Variants in MKKS observed in about 807,000 individuals in gnomAD.
MKKS encodes MKKS centrosomal shuttling protein, also known as molecular chaperone MKKS.
A neutral mutation model predicts 33.2 loss-of-function variants in MKKS; 29 were observed. That is an observed-to-expected ratio of 0.87 (90% CI 0.65 to 1.19). The LOEUF is 1.19. Among genes scored for constraint, MKKS ranks in the 50% most tolerant of loss-of-function variants. The pLI is 0.00. For synonymous variants in MKKS, 260 were observed against 244.0 expected (o/e 1.07, Z -0.61); for missense variants, 661 against 662.3 (o/e 1.00, Z 0.02).
intron 1 of MKKS, among the ~76,000 whole-genome samples, chr20:10,425,081 T>G (rs534692575): frequency 1.2e-3 from 178 of 150,906 alleles, no homozygotes; most frequent in African/African-American, 4.1e-3. Context: ...GAAAGAAAAT[T>G]AGCATTACTG....
At position 10,405,120 on chromosome 20, in the gene MKKS, T is replaced by C; in HGVS notation, c.*127A>G. 1 of 712,254 alleles carries C rather than the reference T, an allele frequency of 1.4e-6. No individual in the cohort carries two copies. The highest frequency in any genetic ancestry group is 2.2e-6 in the Non-Finnish European group (1 of 445,596). 44.1% of individuals were successfully genotyped at this position (712,254 alleles called of 1,614,324 possible). On this transcript the variant is annotated 3_prime_UTR_variant, in exon 6 of 6. Coordinates refer to ENST00000347364, the MANE Select transcript of MKKS (RefSeq NM_170784.3). The stretch of plus-strand genomic sequence containing the variant: ...TTTTCCTAAATAAGTGTATCTATAA[T>C]TTTATGAGTCATTTGTCCAAATATG...
At chr20:10,407,104 C>A (rs2064848762) in intron 5 of MKKS, among the ~76,000 whole-genome samples, 1 of 152,050 alleles carries the variant, frequency 6.6e-6, no homozygotes, top group African/African-American at 2.4e-5. Context: ...TACATAAATA[C>A]CAATTTTAAA....
intron 2 of MKKS, among the ~76,000 whole-genome samples, chr20:10,418,156 CACAT>C (rs1463299027): frequency 2.0e-5 from 3 of 152,230 alleles, no homozygotes; most frequent in African/African-American, 7.2e-5. Context: ...CTGTTAAAGA[CACAT>C]ACAAAAGGAC....
At position 10,403,261 on chromosome 20, in the gene MKKS, C is replaced by T. The variant is rs1366869030; in HGVS notation, c.*1986G>A. On this transcript the variant is annotated 3_prime_UTR_variant, in exon 6 of 6. Transcript: ENST00000347364. ...TACCACCAAATATCAGAAGTGATAT[C>T]CTGTCCCTTCTGCTGTATTCTATTC... 3 of 152,152 alleles carry T rather than the reference C, an allele frequency of 2.0e-5. No individual in the cohort carries two copies. Among genetic ancestry groups the T allele is most frequent in the African/African-American group, 7.2e-5 (3 of 41,426 alleles). 9.4% of individuals were successfully genotyped at this position (152,152 alleles called of 1,614,324 possible).
In MKKS at chr20:10,412,527, T is replaced by C. The variant is rs539511991; in HGVS notation, c.985+3A>G. On this transcript the variant is annotated splice_donor_region_variant and intron_variant, in intron 3 of 5. Coordinates refer to ENST00000347364, the MANE Select transcript of MKKS (RefSeq NM_170784.3). The stretch of plus-strand genomic sequence containing the variant: ...AGAGGCAAAAGCAAAGAGTGATTTT[T>C]ACCTGTCATTTTAGTCAGGGGTTCC... 4 of 1,613,384 alleles carry C rather than the reference T, an allele frequency of 2.5e-6. No homozygotes were observed. The highest frequency in any genetic ancestry group is 1.7e-5 in the Admixed American group (1 of 60,034).
chr20:10,408,849 G>C, intron 3 of MKKS, 46 bp from the exon 4 acceptor site: 2 of 1,450,528 alleles, frequency 1.4e-6, no homozygotes, highest in Non-Finnish European at 1.9e-6. Context: ...AGCAAAAGTG[G>C]AGCAAACAAC....
intron 1 of MKKS, among the ~76,000 whole-genome samples, chr20:10,421,589 C>G (rs1237722142): frequency 6.6e-6 from 1 of 152,050 alleles, no homozygotes; most frequent in African/African-American, 2.4e-5. Flanking sequence ...TAAAAGATTT[C>G]TGGCTTGAAC....
chr20:10,405,410 C>T lies in MKKS; in HGVS notation c.1550G>A (p.Arg517His), dbSNP rs200334161. Reference protein sequence around the residue: ...ELNWSFLRSTRRPFVPQSCLP... With the variant: ...ELNWSFLRSTHRPFVPQSCLP... ...GCAGCTTTGTGGCACAAATGGACGA[C>T]GTGTGCTTCTTAAGAAAGACCAGTT... Residue 517 changes from arginine (R) to histidine (H), a missense_variant, in exon 6 of 6, where the codon CGT becomes CAT. Transcript: ENST00000347364. The T allele has an allele frequency of 1.1e-5, 18 of 1,614,206 alleles. No individual in the cohort carries two copies. Among genetic ancestry groups the T allele is most frequent in the Non-Finnish European group, 1.4e-5 (16 of 1,180,042 alleles).
intron 3 of MKKS, among the ~76,000 whole-genome samples, chr20:10,410,942 G>A (rs568519471): frequency 6.6e-6 from 1 of 151,620 alleles, no homozygotes; most frequent in Admixed American, 6.6e-5. Context: ...TTATGGGCTA[G>A]TGTGGAAACC....
intron 1 of MKKS, chr20:10,431,777 T>TA (rs2065055032): frequency 6.6e-6 from 1 of 152,242 alleles, no homozygotes; most frequent in Non-Finnish European, 1.5e-5. Context: ...TCTTCTCTGC[T>TA]ATATTCCTAG....
rs924021227 is a variant in MKKS at position 10,415,167 on chromosome 20, C to T, written c.-417-1236G>A. ...TAATAATGTGTGAAAAGAATAAAAA[C>T]GTTAGATCATAGATCTTATCTGTTG... On this transcript the variant is annotated intron_variant, in intron 2 of 5. Transcript: ENST00000347364. 5.9e-5 allele frequency among the ~76,000 whole-genome samples: 9 copies of T among 152,172 alleles called. No homozygotes were observed. In the East Asian group the frequency reaches 1.7e-3, roughly 29 times the overall value.
At chr20:10,412,137 A>G (rs1335910464) in intron 3 of MKKS, among the ~76,000 whole-genome samples, 1 of 152,212 alleles carries the variant, frequency 6.6e-6, no homozygotes, top group Non-Finnish European at 1.5e-5. Flanking sequence ...TGACAAAGTG[A>G]AGAAAAAGGG....
rs1360511174 is a variant in MKKS at position 10,421,101 on chromosome 20, A to G, written c.-648-343T>C. Among the ~76,000 whole-genome samples, 3 of 150,496 alleles carry G rather than the reference A, an allele frequency of 2.0e-5. No individual in the cohort carries two copies. In the East Asian group the frequency reaches 5.9e-4, roughly 30 times the overall value. On this transcript the variant is annotated intron_variant, in intron 1 of 5. Transcript: ENST00000347364. ...ATTAATGTTCTCTGAGCCACAATAG[A>G]GTAAGAGCCTTTTTTTAAATTATAT...
chr20:10,430,763 C>G (rs2065048990), intron 1 of MKKS, among the ~76,000 whole-genome samples: 1 of 152,206 alleles, frequency 6.6e-6, no homozygotes, highest in Non-Finnish European at 1.5e-5. Context: ...AGTCAGAAAA[C>G]TGATACAGAG....
At chr20:10,416,661 G>C (rs1326512515) in intron 2 of MKKS, among the ~76,000 whole-genome samples, 1 of 152,092 alleles carries the variant, frequency 6.6e-6, no homozygotes, top group Admixed American at 6.6e-5. Flanking sequence ...TGCATTTTGG[G>C]GTAACTGAAT....
intron 5 of MKKS, among the ~76,000 whole-genome samples, chr20:10,406,667 T>TA (rs917949092): frequency 4.1e-4 from 63 of 152,304 alleles, no homozygotes; most frequent in African/African-American, 1.2e-3. Context: ...AATGATGGGT[T>TA]AAAAAATCCA....
At chr20:10,416,133 G>A (rs1281115392) in intron 2 of MKKS, among the ~76,000 whole-genome samples, 2 of 151,770 alleles carry the variant, frequency 1.3e-5, no homozygotes, top group African/African-American at 4.8e-5. Context: ...ATTCTTGGAT[G>A]CACGGGCTTG....
At chr20:10,428,780 A>G (rs551687648) in intron 1 of MKKS, among the ~76,000 whole-genome samples, 3 of 152,280 alleles carry the variant, frequency 2.0e-5, no homozygotes, top group African/African-American at 7.2e-5. Context: ...CAGAGGTTAC[A>G]TTACAGTGAG....
chr20:10,412,821 GTAA>G lies in MKKS; in HGVS notation c.691_693del (p.Leu231del). ...TTGAGGGCAGTTGATTTTTTGATAG[GTAA>G]TAGCCTCATTAATTGAACTTCTGAC... On this transcript the variant is annotated inframe_deletion, in exon 3 of 6. Transcript: ENST00000347364. 6.2e-7 allele frequency: 1 copy of G among 1,614,108 alleles called. No homozygotes were observed. The highest frequency in any genetic ancestry group is 8.5e-7 in the Non-Finnish European group (1 of 1,180,008).
Sources: allele counts gnomAD v4.1 joint callset (sites outside exome capture counted in the v4.1 genomes callset), GRCh38; gene constraint gnomAD v4.1.1; transcripts MANE v1.5; gene names NCBI Gene and HGNC (gene_info 2026-07-23, HGNC 2026-07-21).